PRKAG2: variants seen among roughly 807,000 people sequenced by gnomAD.
PRKAG2 encodes protein kinase AMP-activated non-catalytic subunit gamma 2, also known as 5'-AMP-activated protein kinase subunit gamma-2.
In PRKAG2, 26 loss-of-function variants were observed where a neutral mutation model predicts 69.6. That is an observed-to-expected ratio of 0.37 (90% CI 0.27 to 0.52). The LOEUF (loss-of-function observed/expected upper bound fraction) is 0.52. Among genes scored for constraint, PRKAG2 ranks in the 20% least tolerant of loss-of-function variants. The pLI, the probability that PRKAG2 is intolerant of heterozygous loss-of-function variation, is 0.90. For missense variants in PRKAG2, 557 were observed against 740.0 expected (o/e 0.75, Z 2.87); for synonymous variants, 293 against 285.0 (o/e 1.03, Z -0.28).
rs2079146141 is a variant in PRKAG2, at chr7:151,836,284, C to T, written c.114+40223G>A. Among the ~76,000 whole-genome samples, 1 of 152,172 alleles carries T rather than the reference C, an allele frequency of 6.6e-6. No homozygotes were observed. Among genetic ancestry groups the T allele is most frequent in the Non-Finnish European group, 1.5e-5 (1 of 68,032 alleles). ...ACCCCCTTTCTGCCACCCCCAGCAC[C>T]AGCCCGAGACAGACTGTGGTCTGAC... On this transcript the variant is annotated intron_variant, in intron 1 of 15. Transcript: ENST00000287878. This position sits in a 1 kb window ranked among gnomAD's most constrained non-coding sequence, Gnocchi z 4.1.
intron 5 of PRKAG2, among the ~76,000 whole-genome samples, chr7:151,608,919 C>T (rs79287929): frequency 0.012 from 1,824 of 151,172 alleles, 26 homozygotes; most frequent in African/African-American, 0.042. Flanking sequence ...AAGATGGGGT[C>T]GCACACTATG....
At chr7:151,715,220 T>C (rs1286571453) in intron 3 of PRKAG2, among the ~76,000 whole-genome samples, 2 of 142,766 alleles carry the variant, frequency 1.4e-5, no homozygotes, top group African/African-American at 5.3e-5. Context: ...TTCGCCGTGT[T>C]GGCCAGGCTG....
chr7:151,679,033 A>G (rs1488038158), intron 3 of PRKAG2, among the ~76,000 whole-genome samples: 1 of 152,026 alleles, frequency 6.6e-6, no homozygotes, highest in African/African-American at 2.4e-5. Flanking sequence ...CCCTGCTTTG[A>G]GGTGGGGTGG....
intron 1 of PRKAG2, among the ~76,000 whole-genome samples, chr7:151,789,011 C>T (rs2077147060): frequency 6.6e-6 from 1 of 152,090 alleles, no homozygotes; most frequent in African/African-American, 2.4e-5. Context: ...GTCTATATGT[C>T]TGTATTTTAT....
intron 3 of PRKAG2, among the ~76,000 whole-genome samples, chr7:151,748,880 A>G (rs1287479019): frequency 6.6e-6 from 1 of 152,080 alleles, no homozygotes; most frequent in Non-Finnish European, 1.5e-5. Context: ...CAGAGAGATG[A>G]GCTGGGCACT....
chr7:151,669,997 T>C (rs1157857636), intron 4 of PRKAG2, among the ~76,000 whole-genome samples: 124 of 31,894 alleles, frequency 3.9e-3, no homozygotes, highest in Non-Finnish European at 4.9e-3. Context: ...CTTGCATGCA[T>C]ACACACCTGT....
At position 151,780,875 on chromosome 7, in the gene PRKAG2, G is replaced by C. The variant is rs978362824; in HGVS notation, c.466+277C>G. On this transcript the variant is annotated intron_variant, in intron 3 of 15. Transcript: ENST00000287878. This position sits in a 1 kb window ranked among gnomAD's most constrained non-coding sequence, Gnocchi z 4.2. ...TGATTGTCCATACAAGCTGTACTGT[G>C]AGTATCAGGATGTTTACAGTTAACC... is the stretch of plus-strand genomic sequence containing the variant. Among the ~76,000 whole-genome samples, 1 of 152,332 alleles carries C rather than the reference G, an allele frequency of 6.6e-6. No homozygotes were observed. The highest frequency in any genetic ancestry group is 2.4e-5 in the African/African-American group (1 of 41,576).
At position 151,632,671 on chromosome 7, in the gene PRKAG2, C is replaced by T; in HGVS notation, c.685-533G>A. On this transcript the variant is annotated intron_variant, in intron 4 of 15. Transcript: ENST00000287878. This position sits in a 1 kb window ranked among gnomAD's most constrained non-coding sequence, Gnocchi z 4.2. ...AGGGGCTGGAGGCTGCAGAACGCCC[C>T]GGGGCGCCAGCTAGGGGATCCTTTC... The T allele has an allele frequency of 1.1e-6, 1 of 916,808 alleles. No homozygotes were observed. The highest frequency in any genetic ancestry group is 1.3e-6 in the Non-Finnish European group (1 of 767,344). The allele number at this position is 916,808 out of a possible 1,614,324, so 56.8% of individuals were successfully genotyped here.
intron 1 of PRKAG2, among the ~76,000 whole-genome samples, chr7:151,874,383 T>A (rs1278263209): frequency 1.2e-5 from 1 of 85,220 alleles, no homozygotes; most frequent in Admixed American, 1.6e-4. Context: ...ATGATGTATA[T>A]GTATATGATG....
Position 151,807,274 on chromosome 7 carries a change from G to C in PRKAG2, c.115-20733C>G, listed in dbSNP as rs1231579887. ...AAAAGTGGCCAGTCAGCCACCAGCA[G>C]ACCCATGGGATAGGGGAAGAAAAAC... On this transcript the variant is annotated intron_variant, in intron 1 of 15. Coordinates refer to ENST00000287878, the MANE Select transcript of PRKAG2 (RefSeq NM_016203.4). The surrounding 1 kb of genome is among the most constrained non-coding windows in gnomAD (Gnocchi z 4.4). The C allele has an allele frequency of 2.6e-6, 1 of 390,192 alleles. No homozygotes were observed. The highest frequency in any genetic ancestry group is 5.2e-6 in the Non-Finnish European group (1 of 192,616). 24.2% of individuals were successfully genotyped at this position (390,192 alleles called of 1,614,324 possible).
At chr7:151,568,908 C>A in intron 10 of PRKAG2, 66 bp from the exon 11 acceptor site, 1 of 1,575,880 alleles carries the variant, frequency 6.3e-7, no homozygotes, top group Non-Finnish European at 8.7e-7. Flanking sequence ...TTGGACTACC[C>A]CTGCCTTAAA....
At chr7:151,565,628 T>A in intron 12 of PRKAG2, 92 bp downstream of exon 12, 3 of 1,517,806 alleles carry the variant, frequency 2.0e-6, no homozygotes, top group Non-Finnish European at 2.7e-6. Flanking sequence ...AGTTTTCATT[T>A]TCCCCACGTA....
At chr7:151,744,906 TC>T (rs1335865166) in intron 3 of PRKAG2, among the ~76,000 whole-genome samples, 59 of 152,216 alleles carry the variant, frequency 3.9e-4, no homozygotes, top group Non-Finnish European at 1.0e-4. Flanking sequence ...TACATTCTTC[TC>T]AACCATGCTG....
At chr7:151,609,902 C>T (rs923741152) in intron 5 of PRKAG2, among the ~76,000 whole-genome samples, 3 of 152,232 alleles carry the variant, frequency 2.0e-5, no homozygotes, top group South Asian at 2.1e-4. Context: ...CCTCACCACA[C>T]GATCTGGGTG....
rs1451058006 is a variant in PRKAG2 at position 151,645,048 on chromosome 7, G to A, written c.685-12910C>T. On this transcript the variant is annotated intron_variant, in intron 4 of 15. Transcript: ENST00000287878. The stretch of plus-strand genomic sequence containing the variant: ...GTTCTTATTGAGTTGTATGAATATG[G>A]CAAGCAGACTCTGAGATGGCCCCCA... Among the ~76,000 whole-genome samples, 3 of 152,058 alleles carry A rather than the reference G, an allele frequency of 2.0e-5. No homozygotes were observed. The East Asian group carries it at 5.8e-4, about 29-fold the overall frequency.
intron 3 of PRKAG2, among the ~76,000 whole-genome samples, chr7:151,748,907 C>T (rs533667654): frequency 6.6e-6 from 1 of 152,258 alleles, no homozygotes; most frequent in African/African-American, 2.4e-5. Flanking sequence ...CAACCTGCCC[C>T]CAGTGACGAC....
chr7:151,657,568 A>G (rs1829626408), intron 4 of PRKAG2, among the ~76,000 whole-genome samples: 1 of 152,200 alleles, frequency 6.6e-6, no homozygotes, highest in South Asian at 2.1e-4. Context: ...TCTCCAGTAG[A>G]TTTTATTTTT....
At chr7:151,834,582 C>T (rs1211117865) in intron 1 of PRKAG2, among the ~76,000 whole-genome samples, 3 of 152,216 alleles carry the variant, frequency 2.0e-5, no homozygotes, top group African/African-American at 4.8e-5. Flanking sequence ...CTGAACATCC[C>T]ATCTCCACAT....
chr7:151,816,885 G>A (rs1020559151), intron 1 of PRKAG2, among the ~76,000 whole-genome samples: 3 of 152,232 alleles, frequency 2.0e-5, no homozygotes, highest in African/African-American at 7.2e-5. Flanking sequence ...AGCTGGAAAT[G>A]TCAGAGAAAT....
Sources: gnomAD v4.1 joint callset for allele counts (sites outside exome capture counted in the v4.1 genomes callset) on GRCh38, gnomAD v4.1.1 for gene constraint, Gnocchi (gnomAD v3.1) non-coding constraint, MANE v1.5 for transcripts, NCBI Gene and HGNC (gene_info 2026-07-23, HGNC 2026-07-21) for gene names.